Variants in PLEKHA7 observed in about 807,000 individuals in gnomAD.
PLEKHA7 encodes the protein pleckstrin homology domain-containing family A member 7.
PLEKHA7 carries 104 observed loss-of-function variants against 170.0 expected under a neutral mutation model. The ratio of observed to expected loss-of-function variants is 0.61; its 90% CI spans 0.52 to 0.72. The LOEUF is 0.72. PLEKHA7 is among the 30% of genes least tolerant of loss of function. The probability of loss-of-function intolerance (pLI) is 0.00; values close to 1 mark genes in which losing one functional copy is unlikely to be tolerated. For missense variants in PLEKHA7, 1,615 were observed against 1,671.7 expected, an observed-to-expected ratio of 0.97 and a Z score of 0.59; for synonymous variants, 648 against 660.8, an observed-to-expected ratio of 0.98 and a Z score of 0.30.
rs1256840626 is a variant in PLEKHA7, at chr11:16,778,960, C to T, written c.*38G>A. On this transcript the variant is annotated 3_prime_UTR_variant, in exon 27 of 27. Transcript: ENST00000531066. Reference sequence around the variant, plus strand: ...TCATCTCCTTGGAGGAAGCTGGTTCCACTGGGCCCCTGGCTCCAGGCTTCT... The same window carrying T: ...TCATCTCCTTGGAGGAAGCTGGTTCTACTGGGCCCCTGGCTCCAGGCTTCT... 1.4e-6 allele frequency: 1 copy of T among 702,632 alleles called. No individual in the cohort carries two copies. The highest frequency in any genetic ancestry group is 1.5e-5 in the South Asian group (1 of 67,608). 43.5% of individuals were successfully genotyped at this position (702,632 alleles called of 1,614,324 possible). A position where few individuals can be genotyped will look rare whatever the true frequency, so the allele number is the denominator to read the frequency against.
intron 4 of PLEKHA7, among the ~76,000 whole-genome samples, chr11:16,867,436 C>A (rs1326209361): frequency 6.6e-6 from 1 of 152,164 alleles, no homozygotes; most frequent in African/African-American, 2.4e-5. Flanking sequence ...CAGTGCTTGG[C>A]CTCAGTGGAT....
Position 16,939,225 on chromosome 11 carries a change from C to T in PLEKHA7, c.222-68043G>A, listed in dbSNP as rs370322322. 6.6e-5 allele frequency among the ~76,000 whole-genome samples: 10 copies of T among 151,988 alleles called. No homozygotes were observed. In the East Asian group the frequency reaches 1.4e-3, roughly 21 times the overall value. On this transcript the variant is annotated intron_variant, in intron 3 of 26. Coordinates refer to ENST00000531066, the MANE Select transcript of PLEKHA7 (RefSeq NM_001329630.2). ...GCCAAGAGTTCAGGACTAGGCTGGC[C>T]GACATGGTGAAACCCTGTCTCCACT...
chr11:16,829,925 T>C (rs1394559653), intron 9 of PLEKHA7, among the ~76,000 whole-genome samples: 1 of 152,104 alleles, frequency 6.6e-6, no homozygotes, highest in Non-Finnish European at 1.5e-5. Context: ...CCTCCATAAC[T>C]AGATTAGTGT....
chr11:16,835,033 G>C (rs1299951523), intron 9 of PLEKHA7, among the ~76,000 whole-genome samples: 1 of 152,220 alleles, frequency 6.6e-6, no homozygotes, highest in East Asian at 1.9e-4. Context: ...AATTTGGGAG[G>C]CTGAGGTAGG....
chr11:16,784,904 A>G (rs933710026), intron 24 of PLEKHA7, among the ~76,000 whole-genome samples: 1 of 152,210 alleles, frequency 6.6e-6, no homozygotes, highest in Non-Finnish European at 1.5e-5. Flanking sequence ...CTGGCAGGCA[A>G]TCAGGACACT....
At chr11:16,798,508 C>T (rs1191631051) in intron 17 of PLEKHA7, among the ~76,000 whole-genome samples, 1 of 152,072 alleles carries the variant, frequency 6.6e-6, no homozygotes, top group Non-Finnish European at 1.5e-5. Flanking sequence ...TATGTTAAAT[C>T]ACCATGACAT....
intron 4 of PLEKHA7, among the ~76,000 whole-genome samples, chr11:16,863,679 C>G (rs911026791): frequency 6.6e-6 from 1 of 152,020 alleles, no homozygotes; most frequent in Admixed American, 6.6e-5. Flanking sequence ...GTCAGTGGCT[C>G]CCTGGGCAGC....
At chr11:16,940,631 G>C (rs976050000) in intron 3 of PLEKHA7, among the ~76,000 whole-genome samples, 1 of 151,846 alleles carries the variant, frequency 6.6e-6, no homozygotes, top group African/African-American at 2.4e-5. Flanking sequence ...CTTTGTACTA[G>C]TAGATGCTCA....
At chr11:16,969,717 CA>C (rs1266197793) in intron 3 of PLEKHA7, among the ~76,000 whole-genome samples, 2 of 152,146 alleles carry the variant, frequency 1.3e-5, no homozygotes, top group African/African-American at 4.8e-5. Flanking sequence ...TCTTCCTTGA[CA>C]AAAGAGTTAG....
At chr11:16,802,835 C>A (rs535161693) in intron 15 of PLEKHA7, 137 bp downstream of exon 15, 7 of 781,694 alleles carry the variant, frequency 9.0e-6, no homozygotes, top group Non-Finnish European at 1.5e-5. Flanking sequence ...CATGAGCCAC[C>A]GCACCTGGTG....
chr11:17,014,359 A>AC lies in PLEKHA7; in HGVS notation c.42_43insG (p.Trp15ValfsTer16), dbSNP rs1865546385. ...CCATCCCGGCACACCCCGTAGGACCAATGCTCAGGTAAAGTGTCCCGCCCG... is the reference window on the plus strand; with the variant it reads ...CCATCCCGGCACACCCCGTAGGACCACATGCTCAGGTAAAGTGTCCCGCCCG... On this transcript the variant is annotated frameshift_variant, in exon 1 of 27. Transcript: ENST00000531066. LOFTEE classifies it high-confidence loss of function. The AC allele has an allele frequency of 7.0e-7, 1 of 1,438,170 alleles. No homozygotes were observed. The highest frequency in any genetic ancestry group is 9.2e-7 in the Non-Finnish European group (1 of 1,089,836). The allele number at this position is 1,438,170 out of a possible 1,614,324, so 89.1% of individuals were successfully genotyped here.
chr11:16,849,190 C>T (rs389129), intron 8 of PLEKHA7, among the ~76,000 whole-genome samples: 101,956 of 152,018 alleles, frequency 0.67, 34,429 homozygotes, highest in East Asian at 0.87. Flanking sequence ...AAAGTCTTTC[C>T]AAGAAAAATG....
intron 3 of PLEKHA7, among the ~76,000 whole-genome samples, chr11:17,009,113 T>A (rs4757489): frequency 6.6e-6 from 1 of 151,830 alleles, no homozygotes; most frequent in Non-Finnish European, 1.5e-5. Flanking sequence ...ATATGGGCAT[T>A]CATCTCCTTC....
At chr11:16,910,084 G>T (rs1456082128) in intron 3 of PLEKHA7, among the ~76,000 whole-genome samples, 1 of 152,152 alleles carries the variant, frequency 6.6e-6, no homozygotes, top group African/African-American at 2.4e-5. Context: ...GTCTAGAATT[G>T]CTGTGCTGAG....
chr11:16,815,305 G>A (rs796100689), intron 12 of PLEKHA7: 1 of 152,726 alleles, frequency 6.5e-6, no homozygotes, highest in Admixed American at 6.5e-5. Flanking sequence ...CTGCAGATGT[G>A]TAGACACAGC....
intron 4 of PLEKHA7, among the ~76,000 whole-genome samples, chr11:16,864,948 T>A (rs971164138): frequency 1.2e-4 from 19 of 152,148 alleles, no homozygotes; most frequent in African/African-American, 4.6e-4. Flanking sequence ...ACATGATAAA[T>A]GTACCCCACT....
intron 3 of PLEKHA7, among the ~76,000 whole-genome samples, chr11:17,009,875 C>T (rs1045827355): frequency 6.6e-6 from 1 of 152,080 alleles, no homozygotes; most frequent in Non-Finnish European, 1.5e-5. Context: ...GTGATCCCCT[C>T]GCCTCCGCCT....
At chr11:16,910,728 G>A (rs1438514018) in intron 3 of PLEKHA7, among the ~76,000 whole-genome samples, 2 of 152,262 alleles carry the variant, frequency 1.3e-5, no homozygotes, top group Middle Eastern at 3.4e-3. Context: ...GCAATATACA[G>A]GACAGCCCCC....
chr11:16,851,425 G>A, intron 7 of PLEKHA7, 134 bp from the exon 8 acceptor site: 2 of 502,412 alleles, frequency 4.0e-6, no homozygotes. Flanking sequence ...CCACACACAG[G>A]CAAAGCTCTA....
Sources: allele counts gnomAD v4.1 joint callset (sites outside exome capture counted in the v4.1 genomes callset), GRCh38; gene constraint gnomAD v4.1.1; transcripts MANE v1.5; gene names NCBI Gene and HGNC (gene_info 2026-07-23, HGNC 2026-07-21).